SLC22A17: variants seen among roughly 807,000 people sequenced by gnomAD.
SLC22A17 encodes solute carrier family 22 member 17.
In SLC22A17, 38 loss-of-function variants were observed where a neutral mutation model predicts 53.6. That is an observed-to-expected ratio of 0.71 (90% CI 0.55 to 0.93). The LOEUF is 0.93. Ranked by LOEUF, SLC22A17 falls within the 40% of genes least tolerant of loss-of-function variation. SLC22A17 has a pLI of 0.00. For synonymous variants in SLC22A17, 379 were observed against 353.0 expected (o/e 1.07, Z -0.82); for missense variants, 704 against 791.0 (o/e 0.89, Z 1.32).
At position 23,348,014 on chromosome 14, in the gene SLC22A17, G is replaced by A. The variant is rs1889341161; in HGVS notation, c.1172-18C>T. The A allele has an allele frequency of 8.1e-6, 13 of 1,612,022 alleles. No individual in the cohort carries two copies. Among genetic ancestry groups the A allele is most frequent in the Non-Finnish European group, 1.0e-5 (12 of 1,178,352 alleles). ...CTCCAGGTCTTTGGGAGAGAGAGAG[G>A]AGCTGTCAGAAGAAAACCCTGAGAT... On this transcript the variant is annotated intron_variant, in intron 6 of 9. Transcript: ENST00000397267. This position sits in a 1 kb window ranked among gnomAD's most constrained non-coding sequence, Gnocchi z 4.5.
Position 23,352,719 on chromosome 14 carries a change from C to T in SLC22A17, c.23G>A (p.Gly8Glu). 2.5e-6 allele frequency: 1 copy of T among 399,078 alleles called. No individual in the cohort carries two copies. Among genetic ancestry groups the T allele is most frequent in the Middle Eastern group, 6.3e-4 (1 of 1,590 alleles). 24.7% of individuals were successfully genotyped at this position (399,078 alleles called of 1,614,324 possible). A position where few individuals can be genotyped will look rare whatever the true frequency, so the allele number is the denominator to read the frequency against. Residue 8 changes from glycine to glutamate, a missense_variant, in exon 1 of 10, where the codon GGG becomes GAG. Around this residue, in one of 4 missense-constraint regions of SLC22A17, gnomAD observed 42 missense variants for 28.2 expected, o/e 1.49. Coordinates refer to ENST00000397267, the Ensembl canonical transcript of SLC22A17. The surrounding 1 kb of genome is among the most constrained non-coding windows in gnomAD (Gnocchi z 7.2). Reference sequence around the variant, plus strand: ...GCCCCCGCCATTGGGCTCGGGGGTCCCGGTGGCCACCCGGGGAGCCAGCTT... The same window carrying T: ...GCCCCCGCCATTGGGCTCGGGGGTCTCGGTGGCCACCCGGGGAGCCAGCTT...
At chr14:23,350,388 G>A (rs1889547650) in intron 3 of SLC22A17, among the ~76,000 whole-genome samples, 1 of 152,200 alleles carries the variant, frequency 6.6e-6, no homozygotes, top group South Asian at 2.1e-4. Flanking sequence ...CATAAGGTAG[G>A]ACTATTGATC....
In SLC22A17 at chr14:23,352,110, G is replaced by T. The variant is rs547915381; in HGVS notation, c.438C>A (p.Gly146=). 1.9e-6 allele frequency: 3 copies of T among 1,583,154 alleles called. No individual in the cohort carries two copies. The highest frequency in any genetic ancestry group is 2.7e-5 in the African/African-American group (2 of 74,386). Residue 146 remains glycine, a synonymous_variant, in exon 2 of 10, where the codon GGC becomes GGA. Coordinates refer to ENST00000397267, the Ensembl canonical transcript of SLC22A17. This position sits in a 1 kb window ranked among gnomAD's most constrained non-coding sequence, Gnocchi z 7.2. The stretch of plus-strand genomic sequence containing the variant: ...CTAGGGCAGCGCTGGCGACGCTGAC[G>T]CCGCTGGCATTGGGAGGCTGCTCCC...
rs1162762149 is a variant in SLC22A17 at position 23,347,513 on chromosome 14, C to A, written c.1496G>T (p.Cys499Phe). The change falls in exon 8 of 10, where the codon TGT becomes TTT. Residue 499 changes from cysteine (C) to phenylalanine (F), a missense_variant. Coordinates refer to ENST00000397267, the Ensembl canonical transcript of SLC22A17. This position sits in a 1 kb window ranked among gnomAD's most constrained non-coding sequence, Gnocchi z 5.1. ...CACTGTGGGGAAGATAGGATGCTCACAATCCCACAGGCCCAGCAGGACCAG... is the reference window on the plus strand; with the variant it reads ...CACTGTGGGGAAGATAGGATGCTCAAAATCCCACAGGCCCAGCAGGACCAG... 6.2e-7 allele frequency: 1 copy of A among 1,614,108 alleles called. No homozygotes were observed. Among genetic ancestry groups the A allele is most frequent in the South Asian group, 1.1e-5 (1 of 91,084 alleles).
exon 10 of SLC22A17, chr14:23,346,862 A>G: frequency 1.3e-6 from 2 of 1,539,192 alleles, no homozygotes; most frequent in Non-Finnish European, 1.7e-6. Flanking sequence ...TCCATGGCCC[A>G]TGTGGAGGCG....
chr14:23,347,430 A>G lies in SLC22A17; in HGVS notation c.1549+30T>C, dbSNP rs748508202. ...GGGCTTGTCTTGGGAGGCCTGTGCC[A>G]GAAGAAATGGCTGTGCCTGTCTGAA... On this transcript the variant is annotated intron_variant, in intron 8 of 9. Transcript: ENST00000397267. This position sits in a 1 kb window ranked among gnomAD's most constrained non-coding sequence, Gnocchi z 5.1. 1 of 1,604,974 alleles carries G rather than the reference A, an allele frequency of 6.2e-7. No homozygotes were observed. Among genetic ancestry groups the G allele is most frequent in the Non-Finnish European group, 8.5e-7 (1 of 1,174,760 alleles).
rs895443675 is a variant in SLC22A17, at chr14:23,347,665, G to T, written c.1344C>A (p.Phe448Leu). 1 of 1,613,946 alleles carries T rather than the reference G, an allele frequency of 6.2e-7. No individual in the cohort carries two copies. Among genetic ancestry groups the T allele is most frequent in the Non-Finnish European group, 8.5e-7 (1 of 1,180,032 alleles). The change falls in exon 8 of 10, where the codon TTC (phenylalanine) becomes TTA (leucine). Residue 448 changes from phenylalanine to leucine, a missense_variant. By Grantham distance (22) the Phe-to-Leu change is conservative. Around this residue, in one of 4 missense-constraint regions of SLC22A17, gnomAD observed 435 missense variants for 529.0 expected, o/e 0.82. Coordinates refer to ENST00000397267, the Ensembl canonical transcript of SLC22A17. This position sits in a 1 kb window ranked among gnomAD's most constrained non-coding sequence, Gnocchi z 5.1. ...CGCTGGCCAGCAGAGAGCACAGGTA[G>T]AAGTCCGATGGGCTCCCTCCTCCTC...
intron 3 of SLC22A17, chr14:23,349,728 A>T: frequency 2.2e-6 from 1 of 445,694 alleles, no homozygotes; most frequent in Non-Finnish European, 4.1e-6. Flanking sequence ...GGGATGGGAT[A>T]TTGCTTAGGG....
chr14:23,346,744 G>A (rs866014824), exon 10 of SLC22A17: 33 of 1,545,206 alleles, frequency 2.1e-5, no homozygotes, highest in East Asian at 7.1e-5. Context: ...ACAGCTCCCC[G>A]TCCCGGAGCA....
Position 23,352,257 on chromosome 14 carries a change from C to A in SLC22A17, c.291G>T (p.Gln97His). 7.0e-7 allele frequency: 1 copy of A among 1,426,454 alleles called. No homozygotes were observed. The highest frequency in any genetic ancestry group is 2.8e-5 in the East Asian group (1 of 35,804). The allele number at this position is 1,426,454 out of a possible 1,614,324, so 88.4% of individuals were successfully genotyped here. Residue 97 changes from glutamine (Q) to histidine (H), a missense_variant, in exon 2 of 10, where the codon CAG (glutamine) becomes CAT (histidine). Physicochemically the swap from Gln to His is conservative, Grantham distance 24. Transcript: ENST00000397267. The surrounding 1 kb of genome is among the most constrained non-coding windows in gnomAD (Gnocchi z 7.2). ...GCACCGGCAGGCAGCAGAGGCCGAG[C>A]TGCAGCTGCTGGCCGCCGCCCAGCG... is the stretch of plus-strand genomic sequence containing the variant.
In SLC22A17 at chr14:23,352,176, C is replaced by T; in HGVS notation, c.372G>A (p.Leu124=). The change falls in exon 2 of 10, where the codon CTG becomes CTA. Residue 124 remains leucine, a synonymous_variant. Transcript: ENST00000397267. The surrounding 1 kb of genome is among the most constrained non-coding windows in gnomAD (Gnocchi z 7.2). ...GGGGGAAGGCCCCGTAGTGGCAATGCAGCGGGGGCGCCAGCGTGAAGATGG... is the reference window on the plus strand; with the variant it reads ...GGGGGAAGGCCCCGTAGTGGCAATGTAGCGGGGGCGCCAGCGTGAAGATGG... 6.6e-7 allele frequency: 1 copy of T among 1,523,680 alleles called. No individual in the cohort carries two copies. The highest frequency in any genetic ancestry group is 8.8e-7 in the Non-Finnish European group (1 of 1,139,974). The allele number at this position is 1,523,680 out of a possible 1,614,324, so 94.4% of individuals were successfully genotyped here.
At chr14:23,349,189 T>C in intron 4 of SLC22A17, 83 bp downstream of exon 4, 1 of 1,566,356 alleles carries the variant, frequency 6.4e-7, no homozygotes, top group South Asian at 1.1e-5. Context: ...AAATGTGGCC[T>C]AGGGGGCAGT....
At chr14:23,349,469 G>A (rs934649859) in intron 3 of SLC22A17, 43 bp from the exon 4 acceptor site, 21 of 1,583,114 alleles carry the variant, frequency 1.3e-5, no homozygotes, top group Non-Finnish European at 1.6e-5. Flanking sequence ...ACTCTCTGGT[G>A]GTGGGAAAGT....
exon 10 of SLC22A17, chr14:23,346,426 C>A: frequency 3.8e-6 from 2 of 525,070 alleles, no homozygotes. Context: ...CCAGTGGTTA[C>A]AGTGTGGAGC....
In SLC22A17 at chr14:23,346,954, A is replaced by G; in HGVS notation, c.1662-18T>C. On this transcript the variant is annotated intron_variant, in intron 9 of 9. Coordinates refer to ENST00000397267, the Ensembl canonical transcript of SLC22A17. ...CACGGCCCCTGGGGGGAGACAGAGG[A>G]GGAGCTCAGCCCACAGCTGTAGCCT... 6.6e-7 allele frequency: 1 copy of G among 1,523,288 alleles called. No homozygotes were observed. The highest frequency in any genetic ancestry group is 8.8e-7 in the Non-Finnish European group (1 of 1,139,444). 94.4% of individuals were successfully genotyped at this position (1,523,288 alleles called of 1,614,324 possible).
exon 10 of SLC22A17, chr14:23,346,826 G>A (rs1264580480): frequency 4.5e-6 from 7 of 1,540,366 alleles, no homozygotes; most frequent in Non-Finnish European, 5.2e-6. Context: ...GGCGCAGGCC[G>A]CCAGCACCAC....
exon 10 of SLC22A17, chr14:23,346,480 G>T: frequency 1.2e-6 from 1 of 824,136 alleles, no homozygotes; most frequent in Non-Finnish European, 1.8e-6. Flanking sequence ...TGAATGCAAA[G>T]CAGCAGGGAG....
chr14:23,350,564 T>C (rs777595540), intron 3 of SLC22A17, among the ~76,000 whole-genome samples: 4 of 152,146 alleles, frequency 2.6e-5, no homozygotes, highest in South Asian at 4.1e-4. Context: ...GATAAGACCA[T>C]TGATCTATGG....
Position 23,347,845 on chromosome 14 carries a change from C to CA in SLC22A17, c.1277+45dup. Reference sequence around the variant, plus strand: ...CGGGCCTTCCCACCCAGCCAGCCCCCATTCCAGCTACTGGCCTGGCCCTCA... The same window carrying CA: ...CGGGCCTTCCCACCCAGCCAGCCCCCAATTCCAGCTACTGGCCTGGCCCTCA... On this transcript the variant is annotated intron_variant, in intron 7 of 9. Coordinates refer to ENST00000397267, the Ensembl canonical transcript of SLC22A17. The surrounding 1 kb of genome is among the most constrained non-coding windows in gnomAD (Gnocchi z 5.1). 3 of 1,612,542 alleles carry CA rather than the reference C, an allele frequency of 1.9e-6. No individual in the cohort carries two copies. The African/African-American group carries it at 4.0e-5, about 21-fold the overall frequency.
Sources: allele counts gnomAD v4.1 joint callset (sites outside exome capture counted in the v4.1 genomes callset), GRCh38; gene constraint gnomAD v4.1.1; regional missense constraint gnomAD v4.1.1; non-coding constraint Gnocchi (gnomAD v3.1); transcripts MANE v1.5; gene names NCBI Gene and HGNC (gene_info 2026-07-23, HGNC 2026-07-21).